DSG4: variants seen among roughly 807,000 people sequenced by gnomAD.
DSG4 encodes the protein desmoglein-4.
A neutral mutation model predicts 93.1 loss-of-function variants in DSG4; 87 were observed. The observed-to-expected ratio is 0.93, with a 90% CI of 0.79 to 1.12. The LOEUF (loss-of-function observed/expected upper bound fraction) is 1.12, where lower values mean the gene tolerates loss of function less well. DSG4 is among the 50% of genes most tolerant of loss of function. The pLI, the probability that DSG4 is intolerant of heterozygous loss-of-function variation, is 0.00. For synonymous variants in DSG4, 432 were observed against 452.9 expected (o/e 0.95, Z 0.59); for missense variants, 1,373 against 1,285.7 (o/e 1.07, Z -1.04).
chr18:31,409,893 G>A, intron 14 of DSG4, 85 bp downstream of exon 14: 1 of 1,471,136 alleles, frequency 6.8e-7, no homozygotes, highest in Non-Finnish European at 9.4e-7. Context: ...GTACCTTATG[G>A]AAAAGTCTGT....
chr18:31,386,248 G>A (rs548608933), intron 2 of DSG4, among the ~76,000 whole-genome samples: 10 of 152,168 alleles, frequency 6.6e-5, no homozygotes, highest in African/African-American at 2.4e-4. Context: ...AGGTGAGCAC[G>A]ACTCACCAGC....
In DSG4 at chr18:31,403,566, C is replaced by A; in HGVS notation, c.1568C>A (p.Pro523Gln). Residue 523 changes from proline (P) to glutamine (Q), a missense_variant, in exon 11 of 16, where the codon CCG becomes CAG. Coordinates refer to ENST00000308128, the MANE Select transcript of DSG4 (RefSeq NM_177986.5). The part of the protein sequence containing the change: ...ISVNEHSYGS[P>Q]FTFCVVDEPP... ...GTTAATGAACATTCTTATGGGTCTC[C>A]GTTTACTTTCTGTGTTGTTGATGAG... is the stretch of plus-strand genomic sequence containing the variant. 6.2e-7 allele frequency: 1 copy of A among 1,613,978 alleles called. No homozygotes were observed. Among genetic ancestry groups the A allele is most frequent in the South Asian group, 1.1e-5 (1 of 91,074 alleles).
rs543220971 is a variant in DSG4 at position 31,399,852 on chromosome 18, G to A, written c.1277+309G>A. The stretch of plus-strand genomic sequence containing the variant: ...TGGCCAGTTTGTTCTACCCTGGACC[G>A]GGGCTGATTAAGCCATATTGTGGGC... On this transcript the variant is annotated intron_variant, in intron 9 of 15. Transcript: ENST00000308128. 3.3e-4 allele frequency among the ~76,000 whole-genome samples: 50 copies of A among 152,240 alleles called. 1 individual carries two copies. In the South Asian group the frequency reaches 8.7e-3, roughly 27 times the overall value.
chr18:31,377,288 T>C (rs1235620505), intron 1 of DSG4, among the ~76,000 whole-genome samples: 1 of 152,232 alleles, frequency 6.6e-6, no homozygotes, highest in Non-Finnish European at 1.5e-5. Context: ...TCAGATAGAT[T>C]GCTGTGAAAA....
chr18:31,394,301 G>A (rs1347363626), intron 8 of DSG4, among the ~76,000 whole-genome samples: 1 of 152,158 alleles, frequency 6.6e-6, no homozygotes, highest in African/African-American at 2.4e-5. Flanking sequence ...ACACCGGCCT[G>A]GCAAAGTGGC....
chr18:31,377,030 T>C, intron 1 of DSG4, 71 bp downstream of exon 1: 2 of 1,502,458 alleles, frequency 1.3e-6, no homozygotes, highest in Admixed American at 1.7e-5. Context: ...TGTCGGGCTT[T>C]CTACATGGGA....
chr18:31,392,210 C>T lies in DSG4; in HGVS notation c.875C>T (p.Ala292Val), dbSNP rs531496020. 2 of 1,613,736 alleles carry T rather than the reference C, an allele frequency of 1.2e-6. No homozygotes were observed. The highest frequency in any genetic ancestry group is 4.5e-5 in the East Asian group (2 of 44,776). ...CLSSELIRLQ[A>V]IDLDEEGTDN... Reference sequence around the variant, plus strand: ...AGTTCGGAACTGATACGATTACAAGCAATTGATCTTGATGAAGAAGGCACT... The same window carrying T: ...AGTTCGGAACTGATACGATTACAAGTAATTGATCTTGATGAAGAAGGCACT... Residue 292 changes from alanine (A) to valine (V), a missense_variant, in exon 8 of 16, where the codon GCA becomes GTA. Coordinates refer to ENST00000308128, the MANE Select transcript of DSG4 (RefSeq NM_177986.5).
At chr18:31,403,247 C>T (rs1193573065) in intron 10 of DSG4, among the ~76,000 whole-genome samples, 169 bp from the exon 11 acceptor site, 1 of 152,124 alleles carries the variant, frequency 6.6e-6, no homozygotes, top group East Asian at 1.9e-4. Flanking sequence ...TGGAAGGTAG[C>T]ACACAAAGGG....
At position 31,409,564 on chromosome 18, in the gene DSG4, A is replaced by C; in HGVS notation, c.2046A>C (p.Arg682Ser). ...EGGEGVMQSW[R>S]IEGAHPEDRD... ...GAGAAGGAGTGATGCAGTCTTGGAG[A>C]ATTGAAGGGGCCCATCCCGAGGACA... is the stretch of plus-strand genomic sequence containing the variant. The change falls in exon 13 of 16, where the codon AGA becomes AGC. Residue 682 changes from arginine to serine, a missense_variant. Physicochemically the swap from Arg to Ser is moderately radical, Grantham distance 110. Transcript: ENST00000308128. 5 of 1,614,136 alleles carry C rather than the reference A, an allele frequency of 3.1e-6. No homozygotes were observed. Among genetic ancestry groups the C allele is most frequent in the Non-Finnish European group, 4.2e-6 (5 of 1,180,030 alleles).
intron 4 of DSG4, among the ~76,000 whole-genome samples, 153 bp from the exon 5 acceptor site, chr18:31,388,721 C>G (rs1400043629): frequency 6.6e-6 from 1 of 152,056 alleles, no homozygotes; most frequent in African/African-American, 2.4e-5. Context: ...TACATGTAGT[C>G]AAGTGTCCTG....
chr18:31,403,285 G>A (rs1200090571), intron 10 of DSG4, 131 bp from the exon 11 acceptor site: 3 of 761,452 alleles, frequency 3.9e-6, no homozygotes, highest in East Asian at 2.7e-5. Context: ...ACTGAAGCGG[G>A]CAGGAACCTG....
chr18:31,380,149 C>T (rs1009514525), intron 1 of DSG4, among the ~76,000 whole-genome samples: 2 of 152,070 alleles, frequency 1.3e-5, no homozygotes, highest in Non-Finnish European at 2.9e-5. Flanking sequence ...CTAGTATTAC[C>T]ATGACCTATA....
Position 31,406,318 on chromosome 18 carries a change from T to C in DSG4, c.1878T>C (p.Val626=). The change falls in exon 12 of 16, where the codon GTT becomes GTC. Residue 626 remains valine (V), a synonymous_variant. Coordinates refer to ENST00000308128, the MANE Select transcript of DSG4 (RefSeq NM_177986.5). ...VTEDQAGVSN[V]GLGPAGIGMM... Reference sequence around the variant, plus strand: ...AAGACCAAGCTGGAGTTTCAAATGTTGGTCTTGGACCAGCAGGGATTGGCA... The same window carrying C: ...AAGACCAAGCTGGAGTTTCAAATGTCGGTCTTGGACCAGCAGGGATTGGCA... 1 of 1,614,258 alleles carries C rather than the reference T, an allele frequency of 6.2e-7. No individual in the cohort carries two copies. Among genetic ancestry groups the C allele is most frequent in the Non-Finnish European group, 8.5e-7 (1 of 1,180,032 alleles).
At chr18:31,411,558 C>A (rs1048932419) in intron 15 of DSG4, 110 bp downstream of exon 15, 28 of 1,288,854 alleles carry the variant, frequency 2.2e-5, no homozygotes, top group South Asian at 1.3e-5. Flanking sequence ...TATTCTCAAC[C>A]CTATCCCAAA....
Position 31,397,447 on chromosome 18 carries a change from C to A in DSG4, c.1006-1825C>A, listed in dbSNP as rs540274848. Among the ~76,000 whole-genome samples the A allele has an allele frequency of 2.0e-5, 3 of 152,280 alleles. No homozygotes were observed. The South Asian group carries it at 6.2e-4, about 32-fold the overall frequency. On this transcript the variant is annotated intron_variant, in intron 8 of 15. Coordinates refer to ENST00000308128, the MANE Select transcript of DSG4 (RefSeq NM_177986.5). ...CATTGCTCTTTACAATCCTTGACCT[C>A]TGGACACAATCAGAAAATCCTGACT...
chr18:31,403,545 A>G lies in DSG4; in HGVS notation c.1547A>G (p.Asn516Ser). 1 of 1,614,120 alleles carries G rather than the reference A, an allele frequency of 6.2e-7. No homozygotes were observed. Among genetic ancestry groups the G allele is most frequent in the Middle Eastern group, 1.6e-4 (1 of 6,062 alleles). ...TCTCCATCAGTCCTTATCTCTGTTA[A>G]TGAACATTCTTATGGGTCTCCGTTT... ...IDSPSVLISV[N>S]EHSYGSPFTF... is the part of the protein sequence containing the mutation. Residue 516 changes from asparagine (N) to serine (S), a missense_variant, in exon 11 of 16, where the codon AAT becomes AGT. Transcript: ENST00000308128.
chr18:31,380,223 A>G (rs575457749), intron 1 of DSG4, among the ~76,000 whole-genome samples: 23 of 152,184 alleles, frequency 1.5e-4, no homozygotes, highest in Non-Finnish European at 2.4e-4. Flanking sequence ...CCTGCCCTAA[A>G]AAGATTTCAT....
At chr18:31,395,743 G>T (rs944754467) in intron 8 of DSG4, among the ~76,000 whole-genome samples, 3 of 152,120 alleles carry the variant, frequency 2.0e-5, no homozygotes, top group Admixed American at 6.5e-5. Flanking sequence ...GCTCGTGCCT[G>T]TAATCCCAGC....
intron 9 of DSG4, 114 bp downstream of exon 9, chr18:31,399,657 T>A: frequency 7.3e-7 from 1 of 1,376,768 alleles, no homozygotes; most frequent in Non-Finnish European, 1.0e-6. Flanking sequence ...CTTTTATTAT[T>A]CCTTTGATTT....
Sources: gnomAD v4.1 joint callset for allele counts (sites outside exome capture counted in the v4.1 genomes callset) on GRCh38, gnomAD v4.1.1 for gene constraint, MANE v1.5 for transcripts, NCBI Gene and HGNC (gene_info 2026-07-23, HGNC 2026-07-21) for gene names.